WWOX: variants seen among roughly 807,000 people sequenced by gnomAD.
The protein encoded by WWOX is WW domain containing oxidoreductase.
A neutral mutation model predicts 46.2 loss-of-function variants in WWOX; 69 were observed. That is an observed-to-expected ratio of 1.49 (90% CI 1.23 to 1.82). The LOEUF (loss-of-function observed/expected upper bound fraction) is 1.82. Among genes scored for constraint, WWOX ranks in the 40% most tolerant of loss-of-function variants. The pLI is 0.00. For missense variants in WWOX, 919 were observed against 542.6 expected, an observed-to-expected ratio of 1.69 and a Z score of -6.89; for synonymous variants, 359 against 202.6, an observed-to-expected ratio of 1.77 and a Z score of -6.56.
At chr16:78,373,633 T>TG (rs2081748373) in intron 5 of WWOX, among the ~76,000 whole-genome samples, 1 of 144,210 alleles carries the variant, frequency 6.9e-6, no homozygotes, top group Admixed American at 7.4e-5. Flanking sequence ...AGCATAGAAC[T>TG]ATTTTTTTTT....
rs143069869 is a variant in WWOX at position 78,687,259 on chromosome 16, A to G, written c.1056+254507A>G. 4.6e-5 allele frequency among the ~76,000 whole-genome samples: 7 copies of G among 152,326 alleles called. 1 individual carries two copies. Among genetic ancestry groups the G allele is most frequent in the African/African-American group, 1.7e-4 (7 of 41,578 alleles). ...AGTAGATATTGGAAATATGAACCCA[A>G]TATGTTCTTAACATCTCCATGTCGT... On this transcript the variant is annotated intron_variant, in intron 8 of 8. Transcript: ENST00000566780.
intron 8 of WWOX, among the ~76,000 whole-genome samples, chr16:78,434,830 G>A (rs558490290): frequency 3.9e-5 from 6 of 152,146 alleles, no homozygotes; most frequent in African/African-American, 1.4e-4. Context: ...GTCATTGATA[G>A]AAAATAGTGG....
intron 8 of WWOX, among the ~76,000 whole-genome samples, chr16:79,114,411 C>G (rs1055908074): frequency 4.0e-4 from 60 of 151,114 alleles, no homozygotes; most frequent in African/African-American, 1.4e-3. Context: ...TATGCACATA[C>G]CTACATGCAT....
chr16:79,030,305 C>T (rs761005179), intron 8 of WWOX, among the ~76,000 whole-genome samples: 6 of 152,190 alleles, frequency 3.9e-5, no homozygotes, highest in Admixed American at 2.0e-4. Context: ...GGTTTCTCTC[C>T]TCCAGTGCGT....
At chr16:79,145,263 C>G (rs976419046) in intron 8 of WWOX, among the ~76,000 whole-genome samples, 8 of 152,174 alleles carry the variant, frequency 5.3e-5, no homozygotes, top group African/African-American at 1.9e-4. Flanking sequence ...AGCATTTGCT[C>G]AAATTCAGAA....
chr16:78,798,634 T>C (rs1025965874), intron 8 of WWOX, among the ~76,000 whole-genome samples: 1 of 151,386 alleles, frequency 6.6e-6, no homozygotes, highest in African/African-American at 2.4e-5. Context: ...TCTTTCCATA[T>C]AGGTTTTTCT....
At chr16:78,872,741 C>T (rs1425406197) in intron 8 of WWOX, 1 of 152,178 alleles carries the variant, frequency 6.6e-6, no homozygotes, top group Non-Finnish European at 1.5e-5. Context: ...AAGCTGCCAT[C>T]TTGGTGGTTT....
At position 78,764,223 on chromosome 16, in the gene WWOX, C is replaced by T. The variant is rs374756538; in HGVS notation, c.1056+331471C>T. On this transcript the variant is annotated intron_variant, in intron 8 of 8. Transcript: ENST00000566780. The stretch of plus-strand genomic sequence containing the variant: ...TCCGGCTCTACCCTGTTTTGAAGTG[C>T]GGCCGGGTGTTGTTAAACGGCTCCG... Among the ~76,000 whole-genome samples the T allele has an allele frequency of 3.9e-4, 59 of 152,122 alleles. 1 individual carries two copies. The East Asian group carries it at 4.3e-3, about 11-fold the overall frequency.
intron 6 of WWOX, among the ~76,000 whole-genome samples, chr16:78,389,686 G>C (rs921160420): frequency 3.3e-5 from 5 of 151,980 alleles, no homozygotes; most frequent in African/African-American, 1.2e-4. Context: ...TGGGTAGAGG[G>C]GCCGATTTAG....
At chr16:78,466,505 C>T (rs2084081846) in intron 8 of WWOX, among the ~76,000 whole-genome samples, 1 of 152,178 alleles carries the variant, frequency 6.6e-6, no homozygotes. Context: ...TATTTTGATA[C>T]ATGTGGCATA....
chr16:79,003,283 C>G (rs781197838), intron 8 of WWOX, among the ~76,000 whole-genome samples: 2 of 152,136 alleles, frequency 1.3e-5, no homozygotes, highest in Non-Finnish European at 2.9e-5. Context: ...GAAAGGCAAT[C>G]AAAGTCTATT....
intron 8 of WWOX, among the ~76,000 whole-genome samples, chr16:78,604,042 G>A (rs913923663): frequency 1.3e-5 from 2 of 152,138 alleles, no homozygotes; most frequent in Admixed American, 1.3e-4. Flanking sequence ...TACTAAGGAG[G>A]CTGAGGCGGT....
At chr16:78,888,276 C>T (rs925638836) in intron 8 of WWOX, among the ~76,000 whole-genome samples, 11 of 152,166 alleles carry the variant, frequency 7.2e-5, no homozygotes, top group Admixed American at 7.2e-4. Flanking sequence ...CTTGAGAACC[C>T]ACTTTGGGCT....
intron 8 of WWOX, among the ~76,000 whole-genome samples, chr16:78,660,792 C>T (rs1362659145): frequency 2.0e-5 from 3 of 152,136 alleles, no homozygotes; most frequent in East Asian, 1.9e-4. Context: ...GCATCAGTTG[C>T]AGATATGGAT....
chr16:78,918,855 G>C (rs1056227051), intron 8 of WWOX, among the ~76,000 whole-genome samples: 1 of 152,104 alleles, frequency 6.6e-6, no homozygotes, highest in African/African-American at 2.4e-5. Context: ...ATGATCCGTC[G>C]TTCCAAATAT....
chr16:78,639,703 A>G (rs2046657555), intron 8 of WWOX, among the ~76,000 whole-genome samples: 1 of 152,000 alleles, frequency 6.6e-6, no homozygotes, highest in African/African-American at 2.4e-5. Context: ...AGCTGGGATT[A>G]CAGGTGCCCG....
chr16:78,658,302 C>G (rs1199720434), intron 8 of WWOX, among the ~76,000 whole-genome samples: 2 of 152,206 alleles, frequency 1.3e-5, no homozygotes, highest in South Asian at 2.1e-4. Context: ...TAATAAGACC[C>G]AAATAATAAT....
chr16:78,545,186 C>T (rs376140023), intron 8 of WWOX, among the ~76,000 whole-genome samples: 6 of 152,152 alleles, frequency 3.9e-5, no homozygotes, highest in Non-Finnish European at 7.3e-5. Context: ...ACTGGTACCA[C>T]TGTGGCCAGG....
intron 8 of WWOX, among the ~76,000 whole-genome samples, chr16:78,827,712 A>T (rs1396098298): frequency 6.6e-6 from 1 of 151,686 alleles, no homozygotes; most frequent in African/African-American, 2.4e-5. Context: ...ATGGTGGTGC[A>T]TGTCTGTTAT....
Sources: gnomAD v4.1 joint callset for allele counts (sites outside exome capture counted in the v4.1 genomes callset) on GRCh38, gnomAD v4.1.1 for gene constraint, MANE v1.5 for transcripts, NCBI Gene and HGNC (gene_info 2026-07-23, HGNC 2026-07-21) for gene names.